The following SETD3 variants were observed in gnomAD, a reference collection of about 807,000 sequenced individuals.
The protein encoded by SETD3 is actin-histidine N-methyltransferase.
SETD3 carries 19 observed loss-of-function variants against 63.0 expected under a neutral mutation model. The observed-to-expected ratio is 0.30, with a 90% CI of 0.21 to 0.44. SETD3 has a LOEUF of 0.44. Ranked by LOEUF, SETD3 falls within the 20% of genes least tolerant of loss-of-function variation. The pLI, the probability that SETD3 is intolerant of heterozygous loss-of-function variation, is 1.00. For synonymous variants in SETD3, 286 were observed against 264.1 expected (o/e 1.08, Z -0.80); for missense variants, 587 against 728.5 (o/e 0.81, Z 2.24).
chr14:99,406,622 G>A, intron 8 of SETD3, 32 bp from the exon 9 acceptor site: 1 of 1,592,314 alleles, frequency 6.3e-7, no homozygotes. Context: ...AAATGATGGT[G>A]AGGCAAACAC....
At chr14:99,404,415 G>C in intron 10 of SETD3, 105 bp from the exon 11 acceptor site, 1 of 1,006,408 alleles carries the variant, frequency 9.9e-7, no homozygotes, top group East Asian at 2.5e-5. Flanking sequence ...CTCAAGGAGA[G>C]CTGAGCTGGA....
At chr14:99,409,025 G>A (rs758979292) in intron 8 of SETD3, among the ~76,000 whole-genome samples, 3 of 152,166 alleles carry the variant, frequency 2.0e-5, no homozygotes, top group Non-Finnish European at 4.4e-5. Flanking sequence ...ACGCTGACCA[G>A]GTCTGACTTG....
At chr14:99,413,743 A>T in intron 7 of SETD3, 133 bp downstream of exon 7, 1 of 790,914 alleles carries the variant, frequency 1.3e-6, no homozygotes, top group South Asian at 1.7e-5. Flanking sequence ...AACTTCTGAA[A>T]GATGAGCTCT....
In SETD3 at chr14:99,413,862, C is replaced by G. The variant is rs761506943; in HGVS notation, c.734+14G>C. The G allele has an allele frequency of 2.2e-5, 35 of 1,613,732 alleles. No individual in the cohort carries two copies. Among genetic ancestry groups the G allele is most frequent in the Non-Finnish European group, 3.0e-5 (35 of 1,179,738 alleles). On this transcript the variant is annotated intron_variant, in intron 7 of 12. Coordinates refer to ENST00000331768, the MANE Select transcript of SETD3 (RefSeq NM_032233.3). ...CACCCTCAATACACAGACACACTCA[C>G]AGCCCACACCAACCTGTAGTCCTCG...
intron 6 of SETD3, among the ~76,000 whole-genome samples, chr14:99,450,677 T>A (rs549294193): frequency 2.0e-4 from 30 of 152,230 alleles, no homozygotes; most frequent in Non-Finnish European, 3.8e-4. Flanking sequence ...TCATGGCAGT[T>A]GATACACATA....
At chr14:99,426,013 C>T (rs1445643344) in intron 6 of SETD3, among the ~76,000 whole-genome samples, 1 of 151,966 alleles carries the variant, frequency 6.6e-6, no homozygotes, top group Non-Finnish European at 1.5e-5. Flanking sequence ...ATTATTAATC[C>T]CTAAAAAAAA....
chr14:99,413,808 C>CCT, intron 7 of SETD3, 68 bp downstream of exon 7: 2 of 1,465,366 alleles, frequency 1.4e-6, no homozygotes, highest in Non-Finnish European at 1.9e-6. Flanking sequence ...CCCTTCCCTC[C>CCT]CTTCCAGGAT....
intron 6 of SETD3, among the ~76,000 whole-genome samples, chr14:99,442,806 G>T (rs1893904261): frequency 6.6e-6 from 1 of 152,206 alleles, no homozygotes; most frequent in South Asian, 2.1e-4. Context: ...TCGACTGCAT[G>T]GGGTGGGGTC....
At chr14:99,448,309 CACAGTG>C (rs942811076) in intron 6 of SETD3, among the ~76,000 whole-genome samples, 5 of 152,294 alleles carry the variant, frequency 3.3e-5, no homozygotes, top group African/African-American at 4.8e-5. Flanking sequence ...AATCCACTGT[CACAGTG>C]GCAGTGGCAG....
intron 10 of SETD3, among the ~76,000 whole-genome samples, 198 bp from the exon 11 acceptor site, chr14:99,404,508 C>T (rs192022305): frequency 5.8e-4 from 88 of 152,298 alleles, no homozygotes; most frequent in African/African-American, 2.0e-3. Flanking sequence ...CGGAGGCAAG[C>T]GGACATCCAG....
upstream of SETD3, chr14:99,481,577 C>T (rs1896321952): frequency 7.5e-6 from 3 of 397,590 alleles, no homozygotes; most frequent in Non-Finnish European, 8.9e-6. Flanking sequence ...CTGGCGGAGT[C>T]TCTCTTTCCG....
chr14:99,399,866 T>C (rs2139603946), intron 12 of SETD3, among the ~76,000 whole-genome samples: 1 of 149,760 alleles, frequency 6.7e-6, no homozygotes, highest in Admixed American at 6.7e-5. Context: ...TTCTCCTGCC[T>C]CAGCCTCCTG....
At chr14:99,410,086 C>A (rs576974819) in intron 8 of SETD3, 7 of 836,644 alleles carry the variant, frequency 8.4e-6, no homozygotes, top group Non-Finnish European at 1.4e-5. Flanking sequence ...GAGCTGGAGG[C>A]GTAGTCATTC....
chr14:99,435,113 C>T (rs191358163), intron 6 of SETD3, among the ~76,000 whole-genome samples: 2 of 152,170 alleles, frequency 1.3e-5, no homozygotes, highest in African/African-American at 4.8e-5. Context: ...CATTTACCAC[C>T]AGGTACATAT....
intron 6 of SETD3, among the ~76,000 whole-genome samples, chr14:99,431,825 T>C (rs1893199235): frequency 6.6e-6 from 1 of 152,156 alleles, no homozygotes; most frequent in African/African-American, 2.4e-5. Flanking sequence ...CTGATCCCCT[T>C]GCCAGGGTCA....
intron 6 of SETD3, among the ~76,000 whole-genome samples, chr14:99,427,639 C>T (rs1892954703): frequency 6.6e-6 from 1 of 152,190 alleles, no homozygotes; most frequent in Admixed American, 6.5e-5. Context: ...ACTTTAATCT[C>T]ATCTTAAAGC....
chr14:99,452,271 T>A (rs1894505989), intron 6 of SETD3, among the ~76,000 whole-genome samples: 1 of 152,224 alleles, frequency 6.6e-6, no homozygotes, highest in East Asian at 1.9e-4. Flanking sequence ...CACACCTGGC[T>A]AATTTTTGTA....
At chr14:99,431,185 G>C (rs997937517) in intron 6 of SETD3, among the ~76,000 whole-genome samples, 3 of 152,158 alleles carry the variant, frequency 2.0e-5, no homozygotes, top group Non-Finnish European at 4.4e-5. Flanking sequence ...TTGTTAAATA[G>C]GTATTTCCAC....
At chr14:99,449,424 T>C (rs1342357745) in intron 6 of SETD3, among the ~76,000 whole-genome samples, 1 of 152,262 alleles carries the variant, frequency 6.6e-6, no homozygotes, top group Non-Finnish European at 1.5e-5. Flanking sequence ...TTGATTCATG[T>C]ATTCCCTGAG....
Sources: gnomAD v4.1 joint callset for allele counts (sites outside exome capture counted in the v4.1 genomes callset) on GRCh38, gnomAD v4.1.1 for gene constraint, MANE v1.5 for transcripts, NCBI Gene and HGNC (gene_info 2026-07-23, HGNC 2026-07-21) for gene names.